IL12RB2: variants seen among roughly 807,000 people sequenced by gnomAD.
The protein encoded by IL12RB2 is interleukin 12 receptor subunit beta 2, also known as interleukin-12 receptor subunit beta-2.
A neutral mutation model predicts 89.4 loss-of-function variants in IL12RB2; 82 were observed. The ratio of observed to expected loss-of-function variants is 0.92; its 90% CI spans 0.77 to 1.10. The LOEUF (loss-of-function observed/expected upper bound fraction) is 1.10, where lower values mean the gene tolerates loss of function less well. Ranked by LOEUF, IL12RB2 falls within the 50% of genes least tolerant of loss-of-function variation. IL12RB2 has a pLI of 0.00. For synonymous variants in IL12RB2, 368 were observed against 370.1 expected (o/e 0.99, Z 0.07); for missense variants, 963 against 1,031.9 (o/e 0.93, Z 0.92).
At chr1:67,337,275 G>A (rs1402782940) in intron 8 of IL12RB2, among the ~76,000 whole-genome samples, 1 of 152,210 alleles carries the variant, frequency 6.6e-6, no homozygotes, top group African/African-American at 2.4e-5. Flanking sequence ...AAACCCCAGC[G>A]CAGCCTCCCC....
chr1:67,318,068 T>C (rs1262055546), intron 2 of IL12RB2, among the ~76,000 whole-genome samples: 1 of 152,086 alleles, frequency 6.6e-6, no homozygotes, highest in Non-Finnish European at 1.5e-5. Flanking sequence ...CTAAAGGGTG[T>C]AAATATGTCA....
chr1:67,326,682 C>T (rs1039457103), intron 4 of IL12RB2, 53 bp from the exon 5 acceptor site: 9 of 1,596,420 alleles, frequency 5.6e-6, no homozygotes, highest in Admixed American at 3.4e-5. Flanking sequence ...AATAACAATT[C>T]GGTTGAAATA....
intron 1 of IL12RB2, among the ~76,000 whole-genome samples, chr1:67,308,263 A>T (rs1317266927): frequency 6.6e-6 from 1 of 151,446 alleles, no homozygotes; most frequent in Non-Finnish European, 1.5e-5. Flanking sequence ...CCTCCAAGGT[A>T]CTCTCTGGGC....
At chr1:67,314,496 G>A (rs1205731823) in intron 2 of IL12RB2, among the ~76,000 whole-genome samples, 1 of 152,100 alleles carries the variant, frequency 6.6e-6, no homozygotes, top group African/African-American at 2.4e-5. Flanking sequence ...CTACTGTAAG[G>A]CATGAGGAAA....
At chr1:67,328,911 C>T (rs1053424981) in intron 6 of IL12RB2, among the ~76,000 whole-genome samples, 3 of 152,192 alleles carry the variant, frequency 2.0e-5, no homozygotes, top group Admixed American at 6.5e-5. Flanking sequence ...CAAATGTAAT[C>T]GGTCCAGTTG....
At position 67,393,653 on chromosome 1, in the gene IL12RB2, TC is replaced by T. The variant is rs1666068730; in HGVS notation, c.2047-1893del. Among the ~76,000 whole-genome samples, 3 of 152,162 alleles carry T rather than the reference TC, an allele frequency of 2.0e-5. No individual in the cohort carries two copies. In the South Asian group the frequency reaches 6.2e-4, roughly 32 times the overall value. Reference sequence around the variant, plus strand: ...AGCTTGGCGGGGCCCTTTGTGGAAATCTGTTCTGAGACAGTGCCATTGTTCA... The same window carrying T: ...AGCTTGGCGGGGCCCTTTGTGGAAATTGTTCTGAGACAGTGCCATTGTTCA... On this transcript the variant is annotated intron_variant, in intron 16 of 16. Transcript: ENST00000674203.
At chr1:67,368,063 A>C in intron 11 of IL12RB2, 38 bp downstream of exon 11, 1 of 1,330,032 alleles carries the variant, frequency 7.5e-7, no homozygotes, top group Non-Finnish European at 1.1e-6. Flanking sequence ...AGGGTTACTA[A>C]GTTCACATTT....
chr1:67,376,152 C>G (rs1372004351), intron 13 of IL12RB2, among the ~76,000 whole-genome samples: 1 of 152,054 alleles, frequency 6.6e-6, no homozygotes, highest in African/African-American at 2.4e-5. Flanking sequence ...GGCTGGCCAG[C>G]ACATTTTTCT....
In IL12RB2 at chr1:67,309,714, C is replaced by T. The variant is rs147908808; in HGVS notation, c.-125+1747C>T. The stretch of plus-strand genomic sequence containing the variant: ...GTGTGAAAAAAAATTCGAAAGCACA[C>T]ATGTAATTTTTAAGGTAGAAGAATC... On this transcript the variant is annotated intron_variant, in intron 1 of 16. Coordinates refer to ENST00000674203, the MANE Select transcript of IL12RB2 (RefSeq NM_001374259.2). Among the ~76,000 whole-genome samples the T allele has an allele frequency of 4.6e-3, 702 of 152,208 alleles. 5 individuals are homozygous for T. Among genetic ancestry groups the T allele is most frequent in the African/African-American group, 0.016 (657 of 41,518 alleles).
intron 4 of IL12RB2, 82 bp from the exon 5 acceptor site, chr1:67,326,653 T>C: frequency 6.4e-7 from 1 of 1,561,154 alleles, no homozygotes; most frequent in South Asian, 1.1e-5. Flanking sequence ...GGGGACGTAT[T>C]GTCATGTTGA....
At chr1:67,394,161 G>A (rs1162582555) in intron 16 of IL12RB2, among the ~76,000 whole-genome samples, 6 of 152,148 alleles carry the variant, frequency 3.9e-5, no homozygotes, top group Non-Finnish European at 8.8e-5. Flanking sequence ...GACAGTGGTT[G>A]AAAGAGCAGC....
chr1:67,330,754 A>G lies in IL12RB2; in HGVS notation c.902A>G (p.Tyr301Cys). The G allele has an allele frequency of 6.4e-7, 1 of 1,563,738 alleles. No individual in the cohort carries two copies. Among genetic ancestry groups the G allele is most frequent in the Non-Finnish European group, 8.8e-7 (1 of 1,134,232 alleles). ...CAGATTTCCTCTAAGCTACATCTTTATAAGGGAAGTTGGAGTGATTGGAGT... is the reference window on the plus strand; with the variant it reads ...CAGATTTCCTCTAAGCTACATCTTTGTAAGGGAAGTTGGAGTGATTGGAGT... Reference protein sequence around the residue: ...EFQISSKLHLYKGSWSDWSES... With the variant: ...EFQISSKLHLCKGSWSDWSES... Residue 301 changes from tyrosine (Y) to cysteine (C), a missense_variant, in exon 8 of 17, where the codon TAT becomes TGT. Physicochemically the swap from Tyr to Cys is radical, Grantham distance 194. Transcript: ENST00000674203.
chr1:67,330,596 G>A (rs773231287), intron 7 of IL12RB2, 64 bp from the exon 8 acceptor site: 97 of 708,474 alleles, frequency 1.4e-4, no homozygotes, highest in Non-Finnish European at 1.9e-4. Context: ...TTCATTTTAT[G>A]TTAAAATTCC....
rs1242516812 is a variant in IL12RB2 at position 67,368,116 on chromosome 1, T to C, written c.1459+91T>C. 6 of 818,692 alleles carry C rather than the reference T, an allele frequency of 7.3e-6. No individual in the cohort carries two copies. In the East Asian group the frequency reaches 1.5e-4, roughly 21 times the overall value. The allele number at this position is 818,692 out of a possible 1,614,324, so 50.7% of individuals were successfully genotyped here. The stretch of plus-strand genomic sequence containing the variant: ...GCAAGAGCCAGAACCCTGCCTTCAA[T>C]TACAGGTGGCTACATGATGAGAGAG... On this transcript the variant is annotated intron_variant, in intron 11 of 16. Coordinates refer to ENST00000674203, the MANE Select transcript of IL12RB2 (RefSeq NM_001374259.2).
At chr1:67,314,942 A>G (rs1655575516) in intron 2 of IL12RB2, among the ~76,000 whole-genome samples, 1 of 151,962 alleles carries the variant, frequency 6.6e-6, no homozygotes, top group South Asian at 2.1e-4. Context: ...GATTCAAGAC[A>G]GAGTTGTTGT....
At chr1:67,359,719 A>T (rs996966397) in intron 10 of IL12RB2, among the ~76,000 whole-genome samples, 1 of 151,320 alleles carries the variant, frequency 6.6e-6, no homozygotes, top group Non-Finnish European at 1.5e-5. Flanking sequence ...ATCTCAAAAA[A>T]AAAACAAAAA....
At chr1:67,311,245 A>G (rs1655016478) in intron 1 of IL12RB2, among the ~76,000 whole-genome samples, 1 of 152,178 alleles carries the variant, frequency 6.6e-6, no homozygotes. Context: ...TCTTGGAGGT[A>G]GTAGCTTTGT....
Position 67,363,219 on chromosome 1 carries a change from T to A in IL12RB2, c.1259-4606T>A, listed in dbSNP as rs987152141. ...CCTGGCCAATTATTCTTATTTTTTT[T>A]TTTTTTTTTTTTTTGAGACAGAGCT... On this transcript the variant is annotated intron_variant, in intron 10 of 16. Transcript: ENST00000674203. Among the ~76,000 whole-genome samples the A allele has an allele frequency of 3.1e-3, 446 of 145,888 alleles. 2 individuals carry two copies. The highest frequency in any genetic ancestry group is 5.6e-3 in the Non-Finnish European group (372 of 66,134).
At chr1:67,392,000 C>T (rs1046731916) in intron 16 of IL12RB2, among the ~76,000 whole-genome samples, 7 of 152,120 alleles carry the variant, frequency 4.6e-5, no homozygotes, top group Non-Finnish European at 7.4e-5. Flanking sequence ...CAGAGGACTA[C>T]GTAACTTGCC....
Sources: gnomAD v4.1 joint callset for allele counts (sites outside exome capture counted in the v4.1 genomes callset) on GRCh38, gnomAD v4.1.1 for gene constraint, MANE v1.5 for transcripts, NCBI Gene and HGNC (gene_info 2026-07-23, HGNC 2026-07-21) for gene names.